LIMS1: variants seen among roughly 807,000 people sequenced by gnomAD.
LIMS1 encodes the protein LIM zinc finger domain containing 1.
In LIMS1, 18 loss-of-function variants were observed where a neutral mutation model predicts 44.1. That is an observed-to-expected ratio of 0.41 (90% CI 0.28 to 0.61). The LOEUF is 0.61. Ranked by LOEUF, LIMS1 falls within the 20% of genes least tolerant of loss-of-function variation. The pLI is 0.32. For synonymous variants in LIMS1, 93 were observed against 149.1 expected (o/e 0.62, Z 2.74); for missense variants, 201 against 422.0 (o/e 0.48, Z 4.59).
chr2:108,619,118 TC>T, intron 1 of LIMS1, among the ~76,000 whole-genome samples: 1 of 152,300 alleles, frequency 6.6e-6, no homozygotes, highest in Non-Finnish European at 1.5e-5. Flanking sequence ...GTTAGGTGTT[TC>T]CTGTCTGGTT....
At chr2:108,602,247 A>T (rs1687057637) in intron 1 of LIMS1, among the ~76,000 whole-genome samples, 1 of 152,242 alleles carries the variant, frequency 6.6e-6, no homozygotes, top group Non-Finnish European at 1.5e-5. Context: ...TCTGCAAACA[A>T]GGATAATTTG....
chr2:108,565,200 GTT>G (rs1179615541), intron 1 of LIMS1, among the ~76,000 whole-genome samples: 2 of 152,102 alleles, frequency 1.3e-5, no homozygotes, highest in African/African-American at 4.8e-5. Flanking sequence ...GTTCCACAGA[GTT>G]TTTTAAATGG....
chr2:108,610,903 A>G (rs1687562134), intron 1 of LIMS1, among the ~76,000 whole-genome samples: 1 of 152,158 alleles, frequency 6.6e-6, no homozygotes, highest in Non-Finnish European at 1.5e-5. Flanking sequence ...TGCAGAGGTC[A>G]GGAGCTCAGA....
chr2:108,633,031 C>T (rs1689017609), intron 1 of LIMS1, among the ~76,000 whole-genome samples: 1 of 152,160 alleles, frequency 6.6e-6, no homozygotes. Context: ...CCCTCCACTC[C>T]AGGAAGCATC....
intron 1 of LIMS1, among the ~76,000 whole-genome samples, chr2:108,552,399 T>C (rs184848979): frequency 5.3e-4 from 77 of 144,882 alleles, no homozygotes; most frequent in Admixed American, 1.6e-3. Context: ...ATATATACTA[T>C]ATATACTTAA....
At chr2:108,671,463 G>T (rs1157161142) in intron 3 of LIMS1, among the ~76,000 whole-genome samples, 2 of 152,114 alleles carry the variant, frequency 1.3e-5, no homozygotes, top group Non-Finnish European at 2.9e-5. Context: ...TTTTGGTTTT[G>T]CCCAGAAAGA....
chr2:108,647,350 G>A (rs1045288346), intron 1 of LIMS1, among the ~76,000 whole-genome samples: 1 of 152,148 alleles, frequency 6.6e-6, no homozygotes, highest in Admixed American at 6.5e-5. Context: ...AAAAGTCCAG[G>A]ACTGGATGGA....
chr2:108,545,357 C>T (rs969184274), intron 1 of LIMS1, among the ~76,000 whole-genome samples: 12 of 152,142 alleles, frequency 7.9e-5, no homozygotes, highest in African/African-American at 2.4e-4. Context: ...CTTCAGCCTC[C>T]CAAGTAGCTG....
At chr2:108,551,833 C>T (rs1408312523) in intron 1 of LIMS1, among the ~76,000 whole-genome samples, 3 of 142,862 alleles carry the variant, frequency 2.1e-5, no homozygotes, top group Non-Finnish European at 3.0e-5. Flanking sequence ...TACATATATA[C>T]ACATATACTG....
At chr2:108,550,611 C>T (rs187384764) in intron 1 of LIMS1, among the ~76,000 whole-genome samples, 4 of 148,912 alleles carry the variant, frequency 2.7e-5, no homozygotes, top group South Asian at 2.1e-4. Context: ...GTCAGGAGAT[C>T]GAGACCATCC....
rs1377761884 is a variant in LIMS1 at position 108,639,453 on chromosome 2, T to TTTTTG, written c.33-20142_33-20138dup. Among the ~76,000 whole-genome samples, 5 of 152,138 alleles carry TTTTTG rather than the reference T, an allele frequency of 3.3e-5. No homozygotes were observed. In the East Asian group the frequency reaches 9.6e-4, roughly 29 times the overall value. ...ATCATATATCATATATGTGTACATG[T>TTTTTG]TTTTGTTTTGTTTTTTTGAGACTAA... On this transcript the variant is annotated intron_variant, in intron 1 of 9. Coordinates refer to ENST00000544547, the Ensembl canonical transcript of LIMS1.
At position 108,559,793 on chromosome 2, in the gene LIMS1, TC is replaced by T. The variant is rs1360711743; in HGVS notation, c.32+25200del. On this transcript the variant is annotated intron_variant, in intron 1 of 9. Coordinates refer to ENST00000544547, the Ensembl canonical transcript of LIMS1. ...TTTCATAATATTTTTAGTGAGTTGA[TC>T]AACATTTAAACTGGCAAACAATTAT... Among the ~76,000 whole-genome samples the T allele has an allele frequency of 2.0e-5, 3 of 152,168 alleles. No homozygotes were observed. The East Asian group carries it at 5.8e-4, about 29-fold the overall frequency.
chr2:108,558,518 G>A (rs528737692), intron 1 of LIMS1, among the ~76,000 whole-genome samples: 4 of 151,834 alleles, frequency 2.6e-5, no homozygotes, highest in African/African-American at 4.8e-5. Flanking sequence ...CGATTTGTGC[G>A]TTTTTATAGT....
intron 1 of LIMS1, among the ~76,000 whole-genome samples, chr2:108,604,394 T>C (rs1266515311): frequency 1.3e-5 from 2 of 152,218 alleles, no homozygotes; most frequent in Admixed American, 1.3e-4. Context: ...CACAAAGACT[T>C]TATAGCCTGC....
At chr2:108,558,987 G>A (rs1685022600) in intron 1 of LIMS1, among the ~76,000 whole-genome samples, 1 of 152,124 alleles carries the variant, frequency 6.6e-6, no homozygotes, top group Non-Finnish European at 1.5e-5. Context: ...ATATTTAAAT[G>A]TACAAAAATA....
intron 1 of LIMS1, among the ~76,000 whole-genome samples, chr2:108,542,946 G>A (rs1558780304): frequency 6.6e-6 from 1 of 152,144 alleles, no homozygotes; most frequent in Admixed American, 6.5e-5. Context: ...TGAACTCTTG[G>A]CTGTGCTTGC....
intron 1 of LIMS1, among the ~76,000 whole-genome samples, chr2:108,587,752 G>T (rs1245055057): frequency 1.3e-5 from 2 of 152,180 alleles, no homozygotes; most frequent in Non-Finnish European, 2.9e-5. Context: ...TGGCACTGAG[G>T]AGTCCCAGGA....
intron 1 of LIMS1, among the ~76,000 whole-genome samples, chr2:108,537,901 A>G (rs921431792): frequency 1.3e-5 from 2 of 152,184 alleles, no homozygotes; most frequent in Non-Finnish European, 2.9e-5. Context: ...CAGATCAGTA[A>G]CAGGAGAGCC....
At chr2:108,584,978 C>G (rs959500881) in intron 1 of LIMS1, among the ~76,000 whole-genome samples, 1 of 151,866 alleles carries the variant, frequency 6.6e-6, no homozygotes, top group Non-Finnish European at 1.5e-5. Context: ...TGGTGAAACC[C>G]TGTCTCTACC....
Sources: gnomAD v4.1 joint callset for allele counts (sites outside exome capture counted in the v4.1 genomes callset) on GRCh38, gnomAD v4.1.1 for gene constraint, MANE v1.5 for transcripts, NCBI Gene and HGNC (gene_info 2026-07-23, HGNC 2026-07-21) for gene names.